Variants in ATRNL1 observed in about 807,000 individuals in gnomAD.
ATRNL1 encodes attractin like 1, also known as attractin-like protein 1.
ATRNL1 carries 95 observed loss-of-function variants against 182.7 expected under a neutral mutation model. That is an observed-to-expected ratio of 0.52 (90% CI 0.44 to 0.62). ATRNL1 has a LOEUF of 0.62. Among genes scored for constraint, ATRNL1 ranks in the 20% least tolerant of loss-of-function variants. The pLI, the probability that ATRNL1 is intolerant of heterozygous loss-of-function variation, is 0.00. For synonymous variants in ATRNL1, 576 were observed against 568.3 expected (o/e 1.01, Z -0.19); for missense variants, 1,471 against 1,679.5 (o/e 0.88, Z 2.17).
At chr10:115,697,075 A>C (rs1946588478) in intron 26 of ATRNL1, among the ~76,000 whole-genome samples, 1 of 152,096 alleles carries the variant, frequency 6.6e-6, no homozygotes, top group South Asian at 2.1e-4. Context: ...CGGTGGGAAC[A>C]CAAAGCCAAA....
intron 28 of ATRNL1, among the ~76,000 whole-genome samples, chr10:115,942,034 A>G (rs958672878): frequency 1.3e-5 from 2 of 152,216 alleles, no homozygotes; most frequent in Non-Finnish European, 2.9e-5. Flanking sequence ...CTTAAAAGGT[A>G]AATCTGTAAA....
At chr10:115,193,701 A>C (rs1399837241) in intron 8 of ATRNL1, among the ~76,000 whole-genome samples, 1 of 151,240 alleles carries the variant, frequency 6.6e-6, no homozygotes, top group African/African-American at 2.4e-5. Context: ...TATTGATTTA[A>C]TTTCTGCTCT....
intron 27 of ATRNL1, among the ~76,000 whole-genome samples, chr10:115,830,958 C>T (rs988094457): frequency 6.6e-6 from 1 of 152,100 alleles, no homozygotes. Context: ...GCAGGCCTTG[C>T]CTTTTTATCC....
chr10:115,335,435 C>T (rs1415595342), intron 19 of ATRNL1, among the ~76,000 whole-genome samples: 4 of 152,046 alleles, frequency 2.6e-5, no homozygotes, highest in African/African-American at 7.3e-5. Context: ...CTTTCTAAAA[C>T]AATTAAATCA....
intron 20 of ATRNL1, among the ~76,000 whole-genome samples, chr10:115,399,582 TC>T (rs1455847756): frequency 2.6e-5 from 4 of 151,994 alleles, no homozygotes; most frequent in Non-Finnish European, 5.9e-5. Flanking sequence ...TAGCTAGTGG[TC>T]TAGCAATTTT....
intron 21 of ATRNL1, among the ~76,000 whole-genome samples, chr10:115,442,287 C>CTA (rs1554965888): frequency 2.4e-5 from 3 of 123,840 alleles, no homozygotes; most frequent in Non-Finnish European, 5.9e-5. Context: ...CTCTCTCTCT[C>CTA]TCTCTCTCTC....
intron 19 of ATRNL1, among the ~76,000 whole-genome samples, chr10:115,378,501 C>T (rs1857802795): frequency 6.6e-6 from 1 of 152,146 alleles, no homozygotes; most frequent in Non-Finnish European, 1.5e-5. Context: ...GATACTGGGA[C>T]CAAGATCCAA....
rs1856145771 is a variant in ATRNL1, at chr10:115,349,793, T to TGTA, written c.3175+15375_3175+15377dup. 2.6e-5 allele frequency among the ~76,000 whole-genome samples: 4 copies of TGTA among 152,296 alleles called. No homozygotes were observed. In the South Asian group the frequency reaches 8.3e-4, roughly 32 times the overall value. ...TCAGGTCTTTAGCCCAATTTTTAATTGTATTATTATTATTATTTTGCTATT... is the reference window on the plus strand; with the variant it reads ...TCAGGTCTTTAGCCCAATTTTTAATTGTAGTATTATTATTATTATTTTGCTATT... On this transcript the variant is annotated intron_variant, in intron 19 of 28. Coordinates refer to ENST00000355044, the MANE Select transcript of ATRNL1 (RefSeq NM_207303.4).
chr10:115,107,521 C>T lies in ATRNL1; in HGVS notation c.294-12664C>T, dbSNP rs532406928. On this transcript the variant is annotated intron_variant, in intron 1 of 28. Coordinates refer to ENST00000355044, the MANE Select transcript of ATRNL1 (RefSeq NM_207303.4). Reference sequence around the variant, plus strand: ...TTGCTGGGCTGAGCCTACATAGCAGCTCTCATGGGTTGGAGGCTCATGCCT... The same window carrying T: ...TTGCTGGGCTGAGCCTACATAGCAGTTCTCATGGGTTGGAGGCTCATGCCT... Among the ~76,000 whole-genome samples the T allele has an allele frequency of 3.9e-5, 6 of 152,314 alleles. No homozygotes were observed. In the East Asian group the frequency reaches 1.2e-3, roughly 29 times the overall value.
rs782546113 is a variant in ATRNL1, at chr10:115,831,279, C to T, written c.3904-16598C>T. Reference sequence around the variant, plus strand: ...GCCCCTCTCCCCTCCTAGCACCTCCCGGCCTCCTTCCTTGTATGTGTTTCC... The same window carrying T: ...GCCCCTCTCCCCTCCTAGCACCTCCTGGCCTCCTTCCTTGTATGTGTTTCC... On this transcript the variant is annotated intron_variant, in intron 27 of 28. Transcript: ENST00000355044. Among the ~76,000 whole-genome samples, 14 of 152,250 alleles carry T rather than the reference C, an allele frequency of 9.2e-5. No homozygotes were observed. The Middle Eastern group carries it at 0.01, about 111-fold the overall frequency.
chr10:115,418,294 A>G (rs1845491696), intron 20 of ATRNL1, among the ~76,000 whole-genome samples: 1 of 152,222 alleles, frequency 6.6e-6, no homozygotes, highest in Admixed American at 6.5e-5. Flanking sequence ...GAGTGAAATG[A>G]AATACAATGA....
At chr10:115,165,486 A>G in intron 6 of ATRNL1, 72 bp from the exon 7 acceptor site, 1 of 763,200 alleles carries the variant, frequency 1.3e-6, no homozygotes, top group Non-Finnish European at 2.0e-6. Context: ...CAAGTGAATA[A>G]AAAGCACGTG....
chr10:115,792,087 C>T (rs556333505), intron 27 of ATRNL1, among the ~76,000 whole-genome samples: 1 of 152,240 alleles, frequency 6.6e-6, no homozygotes, highest in South Asian at 2.1e-4. Context: ...TACTGCTTCA[C>T]AGATGATCTC....
At chr10:115,099,621 T>G (rs1211901130) in intron 1 of ATRNL1, among the ~76,000 whole-genome samples, 1 of 152,238 alleles carries the variant, frequency 6.6e-6, no homozygotes, top group African/African-American at 2.4e-5. Context: ...GTCTTTTAAA[T>G]TTTTGTGATT....
At chr10:115,381,126 C>G (rs1378361897) in intron 19 of ATRNL1, among the ~76,000 whole-genome samples, 3 of 152,060 alleles carry the variant, frequency 2.0e-5, no homozygotes, top group Non-Finnish European at 4.4e-5. Flanking sequence ...TTGCATTTCC[C>G]TAAGGAGTAA....
At chr10:115,135,458 C>T (rs1026793029) in intron 5 of ATRNL1, among the ~76,000 whole-genome samples, 1 of 152,102 alleles carries the variant, frequency 6.6e-6, no homozygotes, top group Non-Finnish European at 1.5e-5. Flanking sequence ...GAATAAAATA[C>T]CTAGGAATCC....
chr10:115,517,262 TTA>T (rs1466081805), intron 24 of ATRNL1, among the ~76,000 whole-genome samples: 1 of 151,958 alleles, frequency 6.6e-6, no homozygotes, highest in Non-Finnish European at 1.5e-5. Context: ...TTTATTATTG[TTA>T]TGTTTTCTTT....
intron 28 of ATRNL1, among the ~76,000 whole-genome samples, chr10:115,922,328 A>G (rs1953090893): frequency 6.6e-6 from 1 of 152,212 alleles, no homozygotes; most frequent in Non-Finnish European, 1.5e-5. Context: ...ATTTCATGTC[A>G]TTTAAATTTT....
chr10:115,916,348 T>C (rs1172172521), intron 28 of ATRNL1, among the ~76,000 whole-genome samples: 1 of 152,276 alleles, frequency 6.6e-6, no homozygotes, highest in Non-Finnish European at 1.5e-5. Flanking sequence ...TATTGGGCTC[T>C]GTCTGCTGTT....
Sources: allele counts gnomAD v4.1 joint callset (sites outside exome capture counted in the v4.1 genomes callset), GRCh38; gene constraint gnomAD v4.1.1; transcripts MANE v1.5; gene names NCBI Gene and HGNC (gene_info 2026-07-23, HGNC 2026-07-21).